The following NHS variants were observed in gnomAD, a reference collection of about 807,000 sequenced individuals.
The protein encoded by NHS is actin remodeling regulator NHS.
A neutral mutation model predicts 72.5 loss-of-function variants in NHS; 5 were observed. The observed-to-expected ratio is 0.07, with a 90% CI of 0.04 to 0.14. The LOEUF is 0.14. Ranked by LOEUF, NHS falls within the 10% of genes least tolerant of loss-of-function variation. The probability of loss-of-function intolerance (pLI) is 1.00; values close to 1 mark genes in which losing one functional copy is unlikely to be tolerated. For synonymous variants in NHS, 464 were observed against 547.7 expected (o/e 0.85, Z 2.13); for missense variants, 1,072 against 1,355.7 (o/e 0.79, Z 3.29).
chrX:17,532,550 A>G (rs755537385), intron 1 of NHS, among the ~76,000 whole-genome samples: 41 of 111,861 alleles, frequency 3.7e-4, no homozygotes, highest in Non-Finnish European at 6.4e-4. Context: ...TTCCTCCTTT[A>G]CAAAGACAAG....
intron 1 of NHS, among the ~76,000 whole-genome samples, chrX:17,575,219 C>T (rs7054499): frequency 0.45 from 49,397 of 110,920 alleles, 8,896 homozygotes; most frequent in East Asian, 0.76. Context: ...TTATAAACTC[C>T]TCCTTTCCTT....
intron 3 of NHS, among the ~76,000 whole-genome samples, chrX:17,698,374 G>A (rs7052166): frequency 0.15 from 16,283 of 111,482 alleles, 2,593 homozygotes; most frequent in African/African-American, 0.47. Context: ...TCCTAGAAGA[G>A]TAAAAATTGC....
At chrX:17,398,146 A>G (rs2064485588) in intron 1 of NHS, among the ~76,000 whole-genome samples, 1 of 112,021 alleles carries the variant, frequency 8.9e-6, no homozygotes, top group African/African-American at 3.2e-5. Flanking sequence ...CTGAGGTGCC[A>G]TTCCAGGGTG....
intron 1 of NHS, among the ~76,000 whole-genome samples, chrX:17,441,824 C>T (rs1378668334): frequency 1.8e-5 from 2 of 111,888 alleles, no homozygotes; most frequent in Non-Finnish European, 3.8e-5. Flanking sequence ...GAGTGAATGG[C>T]GCAGAGATCA....
intron 1 of NHS, among the ~76,000 whole-genome samples, chrX:17,613,488 T>C (rs2065721164): frequency 8.9e-6 from 1 of 111,852 alleles, no homozygotes; most frequent in Non-Finnish European, 1.9e-5. Context: ...CTGATCATCA[T>C]GATCTTTAGA....
intron 1 of NHS, among the ~76,000 whole-genome samples, chrX:17,388,133 G>GA (rs1263850776): frequency 3.6e-5 from 4 of 111,700 alleles, no homozygotes; most frequent in Non-Finnish European, 7.5e-5. Context: ...GAAAAGTAGA[G>GA]AAAAAATTGA....
chrX:17,682,522 G>T (rs750934160), intron 1 of NHS, among the ~76,000 whole-genome samples: 10 of 111,589 alleles, frequency 9.0e-5, no homozygotes, highest in African/African-American at 2.6e-4. Flanking sequence ...AAATGTGTCT[G>T]CAGGCACTCT....
intron 3 of NHS, among the ~76,000 whole-genome samples, chrX:17,713,310 C>T (rs771974772): frequency 4.5e-5 from 5 of 111,688 alleles, no homozygotes; most frequent in South Asian, 3.8e-4. Context: ...TAAGGACAAA[C>T]GAGCCCCATG....
At chrX:17,635,419 C>A in intron 1 of NHS, 22 of 1,162,651 alleles carry the variant, frequency 1.9e-5, no homozygotes, top group Non-Finnish European at 2.5e-5. Flanking sequence ...CTGCCATCCT[C>A]CTTGCAGAAG....
chrX:17,728,364 G>A, intron 7 of NHS, 36 bp downstream of exon 7: 1 of 1,156,361 alleles, frequency 8.6e-7, no homozygotes, highest in Non-Finnish European at 1.2e-6. Flanking sequence ...AAGGAAATGT[G>A]TCTCATGGCA....
chrX:17,441,678 G>A (rs778486063), intron 1 of NHS, among the ~76,000 whole-genome samples: 3 of 107,005 alleles, frequency 2.8e-5, no homozygotes, highest in Non-Finnish European at 3.9e-5. Context: ...TCCTTCCTTC[G>A]TTCCTTCCTT....
At chrX:17,418,476 G>C (rs1366437853) in intron 1 of NHS, among the ~76,000 whole-genome samples, 2 of 111,508 alleles carry the variant, frequency 1.8e-5, no homozygotes, top group Middle Eastern at 4.2e-3. Context: ...TGTCCCCAGC[G>C]GTCCCAAATC....
intron 2 of NHS, among the ~76,000 whole-genome samples, chrX:17,692,030 TTTG>T (rs768650135): frequency 5.6e-4 from 62 of 111,479 alleles, no homozygotes; most frequent in African/African-American, 1.9e-3. Flanking sequence ...GTTCTCAACT[TTTG>T]TTGTTGTTGT....
Position 17,726,624 on chromosome X carries a change from A to G in NHS, c.2518A>G (p.Ile840Val), listed in dbSNP as rs751713859. ...LDHKRQGRPS[I>V]SFRKPKAKPT... ...CCACAAGAGGCAGGGAAGACCAAGCATCTCTTTCAGGAAACCAAAGGCAAA... is the reference window on the plus strand; with the variant it reads ...CCACAAGAGGCAGGGAAGACCAAGCGTCTCTTTCAGGAAACCAAAGGCAAA... The change falls in exon 7 of 9, where the codon ATC becomes GTC. Residue 840 changes from isoleucine (I) to valine (V), a missense_variant. Ile to Val is a conservative substitution (Grantham distance 29). Coordinates refer to ENST00000676302, the MANE Select transcript of NHS (RefSeq NM_001291867.2). 4 of 1,211,957 alleles carry G rather than the reference A, an allele frequency of 3.3e-6. No homozygotes were observed. In the East Asian group the frequency reaches 1.2e-4, roughly 36 times the overall value.
chrX:17,536,870 C>G (rs191687858), intron 1 of NHS, among the ~76,000 whole-genome samples: 2 of 111,795 alleles, frequency 1.8e-5, no homozygotes, highest in Admixed American at 1.9e-4. Flanking sequence ...TTTTTCCATT[C>G]TAAGACGGTA....
At chrX:17,598,007 G>A (rs2065633009) in intron 1 of NHS, among the ~76,000 whole-genome samples, 1 of 111,375 alleles carries the variant, frequency 9.0e-6, no homozygotes, top group African/African-American at 3.3e-5. Flanking sequence ...ATGCAGCCCT[G>A]TCTTAGTCAG....
At chrX:17,696,192 A>G (rs2066228978) in intron 3 of NHS, among the ~76,000 whole-genome samples, 1 of 111,853 alleles carries the variant, frequency 8.9e-6, no homozygotes, top group Non-Finnish European at 1.9e-5. Flanking sequence ...CCAAATGTAA[A>G]AAGTTTGTAG....
chrX:17,718,774 AGG>A (rs2066384097), intron 3 of NHS, among the ~76,000 whole-genome samples: 1 of 93,813 alleles, frequency 1.1e-5, no homozygotes, highest in Admixed American at 1.1e-4. Flanking sequence ...AAAGGAAAGA[AGG>A]AAGGAAGGAG....
At chrX:17,395,775 C>G (rs1042051638) in intron 1 of NHS, among the ~76,000 whole-genome samples, 20 of 112,211 alleles carry the variant, frequency 1.8e-4, no homozygotes, top group African/African-American at 6.2e-4. Flanking sequence ...ACACAAAAAG[C>G]TGTATGCCAA....
Sources: gnomAD v4.1 joint callset for allele counts (sites outside exome capture counted in the v4.1 genomes callset) on GRCh38, gnomAD v4.1.1 for gene constraint, MANE v1.5 for transcripts, NCBI Gene and HGNC (gene_info 2026-07-23, HGNC 2026-07-21) for gene names.